The following KLHL17 variants were observed in gnomAD, a reference collection of about 807,000 sequenced individuals.
KLHL17 encodes kelch like family member 17.
Under a neutral mutation model 64.6 loss-of-function variants are expected in KLHL17, and 71 were observed. The observed-to-expected ratio is 1.10, with a 90% CI of 0.91 to 1.34. KLHL17 has a LOEUF of 1.34. Ranked by LOEUF, KLHL17 falls within the 40% of genes most tolerant of loss-of-function variation. KLHL17 has a pLI of 0.00. For missense variants in KLHL17, 1,140 were observed against 935.0 expected (o/e 1.22, Z -2.86); for synonymous variants, 612 against 405.4 (o/e 1.51, Z -6.12).
chr1:960,676 G>A lies in KLHL17; in HGVS notation c.-18G>A, dbSNP rs1642595895. On this transcript the variant is annotated 5_prime_UTR_variant, in exon 1 of 12. Transcript: ENST00000338591. ...GCCCGCGGGTCCTCCGCGAATCGGCGGTGGGTCCGGCAGCCGAATGCAGCC... is the reference window on the plus strand; with the variant it reads ...GCCCGCGGGTCCTCCGCGAATCGGCAGTGGGTCCGGCAGCCGAATGCAGCC... 1 of 1,371,230 alleles carries A rather than the reference G, an allele frequency of 7.3e-7. No homozygotes were observed. The highest frequency in any genetic ancestry group is 9.5e-7 in the Non-Finnish European group (1 of 1,056,496). 84.9% of individuals were successfully genotyped at this position (1,371,230 alleles called of 1,614,324 possible).
Position 963,962 on chromosome 1 carries a change from CGCT to C in KLHL17, c.1401_1403del (p.Ala468del). On this transcript the variant is annotated inframe_deletion, in exon 9 of 12. Transcript: ENST00000338591. ...CCCTGACCGGAACGTGGACGTCCGT[CGCT>C]GCCATGAGCACCCGGAGGCGCTATG... 6.2e-7 allele frequency: 1 copy of C among 1,612,556 alleles called. No individual in the cohort carries two copies. The highest frequency in any genetic ancestry group is 8.5e-7 in the Non-Finnish European group (1 of 1,179,932).
intron 8 of KLHL17, 195 bp from the exon 9 acceptor site, chr1:963,725 A>G: frequency 1.2e-6 from 1 of 812,912 alleles, no homozygotes; most frequent in African/African-American, 1.7e-5. Flanking sequence ...GGCTGGGCCC[A>G]GGTGGGTGTG....
In KLHL17 at chr1:963,932, C is replaced by T. The variant is rs187884820; in HGVS notation, c.1368C>T (p.Tyr456=). 21 of 1,612,384 alleles carry T rather than the reference C, an allele frequency of 1.3e-5. No homozygotes were observed. In the African/African-American group the frequency reaches 1.7e-4, roughly 13 times the overall value. ...GASCLNSAER[Y]DPLTGTWTSV... ...CTGGTGCCCACAGTGCTGAACGCTA[C>T]GACCCCCTGACCGGAACGTGGACGT... The change falls in exon 9 of 12, where the codon TAC becomes TAT. Residue 456 remains tyrosine (Y), a synonymous_variant. Transcript: ENST00000338591.
Position 961,548 on chromosome 1 carries a change from C to T in KLHL17, c.363C>T (p.Phe121=), listed in dbSNP as rs761140580. 2.5e-6 allele frequency: 4 copies of T among 1,612,664 alleles called. No individual in the cohort carries two copies. The highest frequency in any genetic ancestry group is 2.2e-5 in the South Asian group (2 of 91,090). The change falls in exon 2 of 12, where the codon TTC becomes TTT. Residue 121 remains phenylalanine, a synonymous_variant. Coordinates refer to ENST00000338591, the MANE Select transcript of KLHL17 (RefSeq NM_198317.3). ...GCAGCCCCTACTTCCACGCCATGTT[C>T]ACAAGCAAGTACCCGCCTGGGCGGC... ...ASCSPYFHAM[F]TNEMSESRQT...
At position 962,491 on chromosome 1, in the gene KLHL17, G is replaced by A. The variant is rs781075684; in HGVS notation, c.828+20G>A. On this transcript the variant is annotated intron_variant, in intron 5 of 11. Coordinates refer to ENST00000338591, the MANE Select transcript of KLHL17 (RefSeq NM_198317.3). ...CCACGGGTGAGGCGCGGCCGCGGGG[G>A]GCTCCCACAGCATCCAGGAGGGCAT... 1.4e-5 allele frequency: 22 copies of A among 1,610,780 alleles called. No homozygotes were observed. The highest frequency in any genetic ancestry group is 1.9e-5 in the Non-Finnish European group (22 of 1,179,078).
rs1642779891 is a variant in KLHL17, at chr1:964,066, A to G, written c.1445-41A>G. ...CACCTTCCCCCACCGTGGAGACCCC[A>G]CTCCCAGCAGGAGTGCCACGGGTGT... On this transcript the variant is annotated intron_variant, in intron 9 of 11. Transcript: ENST00000338591. 6 of 1,612,244 alleles carry G rather than the reference A, an allele frequency of 3.7e-6. No individual in the cohort carries two copies. The East Asian group carries it at 8.9e-5, about 24-fold the overall frequency.
At chr1:963,697 C>A in intron 8 of KLHL17, 193 bp downstream of exon 8, 1 of 827,308 alleles carries the variant, frequency 1.2e-6, no homozygotes, top group Non-Finnish European at 1.8e-6. Context: ...TCTCTCGGGT[C>A]CTTACCCCCA....
intron 8 of KLHL17, 179 bp from the exon 9 acceptor site, chr1:963,741 A>G: frequency 1.2e-6 from 1 of 843,552 alleles, no homozygotes; most frequent in Non-Finnish European, 1.9e-6. Context: ...GTGTGCACCC[A>G]GGGTTGTTCA....
In KLHL17 at chr1:961,494, C is replaced by G. The variant is rs766957853; in HGVS notation, c.309C>G (p.Ile103Met). 6.8e-6 allele frequency: 11 copies of G among 1,612,550 alleles called. No homozygotes were observed. The highest frequency in any genetic ancestry group is 8.5e-6 in the Non-Finnish European group (10 of 1,179,940). ...TCCTGCACGTGGCTGCCAAGGAGAT[C>G]CGTGCGCACAAAGTGGTGCTGGCCT... ...DIVLHVAAKE[I>M]RAHKVVLASC... Residue 103 changes from isoleucine (I) to methionine (M), a missense_variant, in exon 2 of 12, where the codon ATC (isoleucine) becomes ATG (methionine). Physicochemically the swap from Ile to Met is conservative, Grantham distance 10. Coordinates refer to ENST00000338591, the MANE Select transcript of KLHL17 (RefSeq NM_198317.3).
Position 963,381 on chromosome 1 carries a change from C to G in KLHL17, c.1232C>G (p.Pro411Arg). 6.2e-7 allele frequency: 1 copy of G among 1,612,578 alleles called. No homozygotes were observed. Among genetic ancestry groups the G allele is most frequent in the Non-Finnish European group, 8.5e-7 (1 of 1,179,814 alleles). ...SDLATVESYD[P>R]VTNTWQPEVS... ...CTGGCTACCGTGGAGTCCTACGACC[C>G]CGTGACTAACACGTGGCAGCCGGAG... Residue 411 changes from proline (P) to arginine (R), a missense_variant, in exon 8 of 12, where the codon CCC (proline) becomes CGC (arginine). Coordinates refer to ENST00000338591, the MANE Select transcript of KLHL17 (RefSeq NM_198317.3).
intron 8 of KLHL17, 110 bp downstream of exon 8, chr1:963,614 C>T (rs761950391): frequency 5.6e-5 from 73 of 1,293,492 alleles, no homozygotes; most frequent in East Asian, 1.2e-4. Flanking sequence ...AGGTGATCCG[C>T]GAGGCCGTTT....
At position 961,540 on chromosome 1, in the gene KLHL17, G is replaced by A. The variant is rs771645938; in HGVS notation, c.355G>A (p.Ala119Thr). Residue 119 changes from alanine (A) to threonine (T), a missense_variant, in exon 2 of 12, where the codon GCC becomes ACC. Ala to Thr is a moderately conservative substitution (Grantham distance 58). Transcript: ENST00000338591. Reference protein sequence around the residue: ...VLASCSPYFHAMFTNEMSESR... With the variant: ...VLASCSPYFHTMFTNEMSESR... ...GGCCTCCTGCAGCCCCTACTTCCAC[G>A]CCATGTTCACAAGCAAGTACCCGCC... 2.5e-6 allele frequency: 4 copies of A among 1,612,502 alleles called. No homozygotes were observed. Among genetic ancestry groups the A allele is most frequent in the Non-Finnish European group, 3.4e-6 (4 of 1,179,980 alleles).
In KLHL17 at chr1:965,437, C is replaced by G. The variant is rs957772934; in HGVS notation, c.*246C>G. 1.8e-5 allele frequency: 10 copies of G among 559,762 alleles called. No homozygotes were observed. The highest frequency in any genetic ancestry group is 1.2e-4 in the East Asian group (4 of 32,962). 34.7% of individuals were successfully genotyped at this position (559,762 alleles called of 1,614,324 possible). A position where few individuals can be genotyped will look rare whatever the true frequency, so the allele number is the denominator to read the frequency against. ...CCCTCCACTGCCTGCATGGGGGGCG[C>G]GGGGAGTGACCAGGCGGGGGCCTCA... On this transcript the variant is annotated 3_prime_UTR_variant, in exon 12 of 12. Transcript: ENST00000338591.
At position 961,387 on chromosome 1, in the gene KLHL17, G is replaced by A. The variant is rs1642638737; in HGVS notation, c.202G>A (p.Ala68Thr). Residue 68 changes from alanine (A) to threonine (T), a missense_variant, in exon 2 of 12, where the codon GCC becomes ACC. By Grantham distance (58) the Ala-to-Thr change is moderately conservative. Coordinates refer to ENST00000338591, the MANE Select transcript of KLHL17 (RefSeq NM_198317.3). ...GCTGAGCCGCGAGGGCCACAGCGTG[G>A]CCCACAACTCCAAGCGGCACTACCA... is the stretch of plus-strand genomic sequence containing the variant. The part of the protein sequence containing the change: ...QLLSREGHSV[A>T]HNSKRHYHDA... 2 of 1,598,408 alleles carry A rather than the reference G, an allele frequency of 1.3e-6. No individual in the cohort carries two copies. The highest frequency in any genetic ancestry group is 1.7e-6 in the Non-Finnish European group (2 of 1,174,012).
Position 964,528 on chromosome 1 carries a change from C to T in KLHL17, c.1698C>T (p.Arg566=). ...AAAGCGTGGCGCCCATGAATATCCG[C>T]AGGTCCGCAGTGGGGCTGCGGGGAG... The part of the protein sequence containing the change: ...AWESVAPMNI[R]RSTHDLVAMD... Residue 566 remains arginine (R), a splice_region_variant and synonymous_variant, in exon 11 of 12, where the codon CGC becomes CGT. Coordinates refer to ENST00000338591, the MANE Select transcript of KLHL17 (RefSeq NM_198317.3). 3 of 1,506,346 alleles carry T rather than the reference C, an allele frequency of 2.0e-6. No homozygotes were observed. 93.3% of individuals were successfully genotyped at this position (1,506,346 alleles called of 1,614,324 possible).
Position 964,021 on chromosome 1 carries a change from G to T in KLHL17, c.1444+13G>T. Reference sequence around the variant, plus strand: ...GTGGCCACGCTTGGTGGGTGATGGGGCCTGCCTGGGGGGCATCCCCACCTT... The same window carrying T: ...GTGGCCACGCTTGGTGGGTGATGGGTCCTGCCTGGGGGGCATCCCCACCTT... On this transcript the variant is annotated intron_variant, in intron 9 of 11. Coordinates refer to ENST00000338591, the MANE Select transcript of KLHL17 (RefSeq NM_198317.3). The T allele has an allele frequency of 1.2e-6, 2 of 1,612,606 alleles. No homozygotes were observed. Among genetic ancestry groups the T allele is most frequent in the Non-Finnish European group, 1.7e-6 (2 of 1,179,908 alleles).
At chr1:962,152 C>T (rs1320383976) in intron 4 of KLHL17, 105 bp downstream of exon 4, 17 of 1,263,618 alleles carry the variant, frequency 1.3e-5, no homozygotes, top group East Asian at 2.7e-5. Flanking sequence ...TGCCCACAAT[C>T]CTTAGTGCCT....
At chr1:962,563 G>T in intron 5 of KLHL17, 92 bp downstream of exon 5, 1 of 1,548,514 alleles carries the variant, frequency 6.5e-7, no homozygotes, top group South Asian at 1.2e-5. Flanking sequence ...CCGAGTTCAG[G>T]GACTCCGTGG....
intron 10 of KLHL17, 35 bp downstream of exon 10, chr1:964,215 G>T (rs770048882): frequency 6.2e-7 from 1 of 1,608,754 alleles, no homozygotes; most frequent in East Asian, 2.2e-5. Context: ...ACCCCCTCCC[G>T]TGCGCCGCGG....
Sources: gnomAD v4.1 joint callset for allele counts on GRCh38, gnomAD v4.1.1 for gene constraint, MANE v1.5 for transcripts, NCBI Gene and HGNC (gene_info 2026-07-23, HGNC 2026-07-21) for gene names.